Variants in NLGN1 observed in about 807,000 individuals in gnomAD.
The protein encoded by NLGN1 is neuroligin 1.
A neutral mutation model predicts 65.5 loss-of-function variants in NLGN1; 12 were observed. The observed-to-expected ratio is 0.18, with a 90% confidence interval of 0.12 to 0.30. The LOEUF is 0.30. NLGN1 is among the 10% of genes least tolerant of loss of function. The probability of loss-of-function intolerance (pLI) is 1.00; values close to 1 mark genes in which losing one functional copy is unlikely to be tolerated. For synonymous variants in NLGN1, 350 were observed against 359.5 expected (o/e 0.97, Z 0.30); for missense variants, 750 against 1,007.1 (o/e 0.74, Z 3.46).
At chr3:174,235,216 C>A (rs1246669079) in intron 4 of NLGN1, among the ~76,000 whole-genome samples, 1 of 151,840 alleles carries the variant, frequency 6.6e-6, no homozygotes, top group East Asian at 1.9e-4. Flanking sequence ...TAATGTTTAA[C>A]CCAATTACAC....
chr3:174,071,233 G>T (rs1160162179), intron 4 of NLGN1, among the ~76,000 whole-genome samples: 1 of 152,126 alleles, frequency 6.6e-6, no homozygotes, highest in Non-Finnish European at 1.5e-5. Context: ...TTATTTTTAA[G>T]ATGGCAGCAT....
chr3:174,000,488 C>T (rs1249654122), intron 4 of NLGN1, among the ~76,000 whole-genome samples: 1 of 152,100 alleles, frequency 6.6e-6, no homozygotes, highest in African/African-American at 2.4e-5. Flanking sequence ...CGAATCCTAC[C>T]TTCTTTTGGA....
At chr3:173,798,138 A>G (rs752837427) in intron 3 of NLGN1, among the ~76,000 whole-genome samples, 19 of 152,138 alleles carry the variant, frequency 1.2e-4, no homozygotes, top group Non-Finnish European at 1.8e-4. Flanking sequence ...TAGCAAACTA[A>G]TGATTCAGGA....
chr3:173,470,993 T>G lies in NLGN1; in HGVS notation c.-321+35915T>G, dbSNP rs140382601. ...CACTAAGGAATCTTTAGCCTGTAAC[T>G]GCTTGCATGCTCTGGAATGAGCAAA... On this transcript the variant is annotated intron_variant, in intron 2 of 6. Coordinates refer to ENST00000457714, the Ensembl canonical transcript of NLGN1. 6.6e-3 allele frequency among the ~76,000 whole-genome samples: 1,006 copies of G among 152,204 alleles called. 5 individuals are homozygous for G. The highest frequency in any genetic ancestry group is 0.02 in the Middle Eastern group (6 of 294).
At chr3:173,656,146 T>C (rs1225759896) in intron 3 of NLGN1, among the ~76,000 whole-genome samples, 1 of 152,130 alleles carries the variant, frequency 6.6e-6, no homozygotes, top group East Asian at 1.9e-4. Flanking sequence ...ATATTTCCTG[T>C]CATAGCTGAA....
intron 5 of NLGN1, among the ~76,000 whole-genome samples, chr3:174,276,709 A>G (rs1750662010): frequency 1.3e-5 from 2 of 151,924 alleles, no homozygotes; most frequent in Non-Finnish European, 2.9e-5. Flanking sequence ...CATAGTTTAC[A>G]TAACATTTCA....
intron 2 of NLGN1, among the ~76,000 whole-genome samples, chr3:173,602,120 A>G (rs1382430066): frequency 1.3e-5 from 2 of 152,050 alleles, no homozygotes; most frequent in East Asian, 3.9e-4. Flanking sequence ...TTCAAGTCTG[A>G]GTTCCTCATG....
intron 4 of NLGN1, among the ~76,000 whole-genome samples, chr3:174,037,125 G>A (rs1400575126): frequency 6.6e-6 from 1 of 152,090 alleles, no homozygotes; most frequent in Non-Finnish European, 1.5e-5. Flanking sequence ...CCCGTAATGG[G>A]ATTATTGATT....
intron 4 of NLGN1, among the ~76,000 whole-genome samples, chr3:174,211,943 CTGCCTGCCAG>C (rs1736674637): frequency 6.6e-6 from 1 of 152,210 alleles, no homozygotes; most frequent in Non-Finnish European, 1.5e-5. Flanking sequence ...GCAGGTGGAG[CTGCCTGCCAG>C]TCCCGCGCCA....
In NLGN1 at chr3:173,745,475, T is replaced by TA. The variant is rs200950321; in HGVS notation, c.494-62204dup. ...CCTAAGTACATCTAAAGCTTTTTTT[T>TA]ACGAGAAAGAGTTGGTTATTTATTT... On this transcript the variant is annotated intron_variant, in intron 3 of 6. Coordinates refer to ENST00000457714, the Ensembl canonical transcript of NLGN1. Among the ~76,000 whole-genome samples, 1,003 of 152,184 alleles carry TA rather than the reference T, an allele frequency of 6.6e-3. 11 individuals are homozygous for TA. The highest frequency in any genetic ancestry group is 0.021 in the African/African-American group (851 of 41,512).
intron 4 of NLGN1, among the ~76,000 whole-genome samples, chr3:173,820,200 A>T (rs1311697007): frequency 2.6e-5 from 4 of 152,136 alleles, no homozygotes; most frequent in South Asian, 2.1e-4. Flanking sequence ...AAAAAAAAAA[A>T]AAACGAGAAA....
chr3:173,531,935 G>A (rs1736643083), intron 2 of NLGN1, among the ~76,000 whole-genome samples: 2 of 151,818 alleles, frequency 1.3e-5, no homozygotes, highest in South Asian at 2.1e-4. Context: ...AAGTTTCCCC[G>A]GGCTCTTCAG....
At chr3:173,668,086 A>G (rs1382891186) in intron 3 of NLGN1, among the ~76,000 whole-genome samples, 1 of 152,236 alleles carries the variant, frequency 6.6e-6, no homozygotes, top group African/African-American at 2.4e-5. Context: ...AGAAGCTTAC[A>G]GTCTAGTAGG....
At chr3:173,463,369 A>G (rs1723724048) in intron 2 of NLGN1, among the ~76,000 whole-genome samples, 1 of 152,144 alleles carries the variant, frequency 6.6e-6, no homozygotes, top group South Asian at 2.1e-4. Flanking sequence ...TTTTCCCCAC[A>G]CTTGAAATTC....
chr3:173,630,525 T>C (rs1200780600), intron 3 of NLGN1, among the ~76,000 whole-genome samples: 3 of 152,168 alleles, frequency 2.0e-5, no homozygotes, highest in African/African-American at 4.8e-5. Context: ...AGTGGTCTAG[T>C]ATTTTTTTCT....
At chr3:174,017,449 A>T (rs1034096943) in intron 4 of NLGN1, among the ~76,000 whole-genome samples, 5 of 152,126 alleles carry the variant, frequency 3.3e-5, no homozygotes, top group Non-Finnish European at 4.4e-5. Context: ...ATAATTTGTC[A>T]TTTTAGTGGA....
chr3:173,812,304 A>T (rs1208440917), intron 4 of NLGN1, among the ~76,000 whole-genome samples: 1 of 152,224 alleles, frequency 6.6e-6, no homozygotes, highest in Non-Finnish European at 1.5e-5. Flanking sequence ...TTCACTGCAT[A>T]TACATTTAAT....
intron 3 of NLGN1, among the ~76,000 whole-genome samples, chr3:173,767,505 T>A (rs1390690257): frequency 6.6e-6 from 1 of 151,950 alleles, no homozygotes; most frequent in Non-Finnish European, 1.5e-5. Flanking sequence ...ATAATAAATA[T>A]TAGAAAATAA....
chr3:174,161,414 A>G (rs1726476205), intron 4 of NLGN1, among the ~76,000 whole-genome samples: 1 of 151,796 alleles, frequency 6.6e-6, no homozygotes, highest in Non-Finnish European at 1.5e-5. Context: ...GTGATTCAAT[A>G]TTTTCTATGA....
Sources: allele counts gnomAD v4.1 joint callset (sites outside exome capture counted in the v4.1 genomes callset), GRCh38; gene constraint gnomAD v4.1.1; transcripts MANE v1.5; gene names NCBI Gene and HGNC (gene_info 2026-07-23, HGNC 2026-07-21).